The following AGPAT3 variants were observed in gnomAD, a reference collection of about 807,000 sequenced individuals.
AGPAT3 encodes the protein 1-acyl-sn-glycerol-3-phosphate acyltransferase gamma.
A neutral mutation model predicts 47.3 loss-of-function variants in AGPAT3; 5 were observed. That is an observed-to-expected ratio of 0.11 (90% CI 0.06 to 0.22). The LOEUF (loss-of-function observed/expected upper bound fraction) is 0.22. AGPAT3 is among the 10% of genes least tolerant of loss of function. AGPAT3 has a pLI of 1.00. For missense variants in AGPAT3, 315 were observed against 493.0 expected, an observed-to-expected ratio of 0.64 and a Z score of 3.42; for synonymous variants, 212 against 208.3, an observed-to-expected ratio of 1.02 and a Z score of -0.15.
intron 2 of AGPAT3, among the ~76,000 whole-genome samples, chr21:43,949,786 T>C (rs1332189878): frequency 6.6e-6 from 1 of 152,214 alleles, no homozygotes; most frequent in Non-Finnish European, 1.5e-5. Context: ...ATTTTCTCTT[T>C]CTTATTGCAA....
intron 1 of AGPAT3, among the ~76,000 whole-genome samples, chr21:43,870,629 G>A (rs976243912): frequency 5.3e-5 from 8 of 152,142 alleles, no homozygotes; most frequent in Non-Finnish European, 1.2e-4. Flanking sequence ...CACTGAGGAA[G>A]GAGAATGCCT....
In AGPAT3 at chr21:43,954,915, T is replaced by C. The variant is rs373788829; in HGVS notation, c.-48-4719T>C. On this transcript the variant is annotated intron_variant, in intron 2 of 9. Transcript: ENST00000291572. The surrounding 1 kb of genome is among the most constrained non-coding windows in gnomAD (Gnocchi z 4.0). ...CTCCGGGGAGTCTCTGCGTAGACTTTCTAGCCCAGAGGTTCAGGTGATGGA... is the reference window on the plus strand; with the variant it reads ...CTCCGGGGAGTCTCTGCGTAGACTTCCTAGCCCAGAGGTTCAGGTGATGGA... The C allele has an allele frequency of 1.7e-4, 127 of 735,514 alleles. 2 individuals are homozygous for C. In the South Asian group the frequency reaches 3.0e-3, roughly 17 times the overall value. 45.6% of individuals were successfully genotyped at this position (735,514 alleles called of 1,614,324 possible). A position where few individuals can be genotyped will look rare whatever the true frequency, so the allele number is the denominator to read the frequency against.
At chr21:43,894,932 A>C (rs890849421) in intron 1 of AGPAT3, among the ~76,000 whole-genome samples, 1 of 151,910 alleles carries the variant, frequency 6.6e-6, no homozygotes, top group African/African-American at 2.4e-5. Flanking sequence ...CTCTTGATAA[A>C]ACTCTTTTGA....
chr21:43,969,369 A>G (rs1227907736), intron 5 of AGPAT3, 90 bp downstream of exon 5: 29 of 1,539,306 alleles, frequency 1.9e-5, no homozygotes, highest in Non-Finnish European at 2.5e-5. Flanking sequence ...CAGGCTGGGA[A>G]ACCCCATGAG....
intron 2 of AGPAT3, among the ~76,000 whole-genome samples, chr21:43,921,888 G>A (rs140291039): frequency 5.3e-5 from 8 of 152,206 alleles, no homozygotes; most frequent in African/African-American, 9.6e-5. Flanking sequence ...GTCTGGGGAC[G>A]GCGGGCCTGT....
chr21:43,975,417 G>T (rs1569106828), intron 7 of AGPAT3, among the ~76,000 whole-genome samples: 1 of 152,156 alleles, frequency 6.6e-6, no homozygotes, highest in Non-Finnish European at 1.5e-5. Context: ...GGGTGCTGGT[G>T]TATGACGCAT....
rs1308919273 is a variant in AGPAT3 at position 43,949,792 on chromosome 21, T to G, written c.-48-9842T>G. Among the ~76,000 whole-genome samples, 4 of 152,356 alleles carry G rather than the reference T, an allele frequency of 2.6e-5. No individual in the cohort carries two copies. The East Asian group carries it at 7.7e-4, about 29-fold the overall frequency. On this transcript the variant is annotated intron_variant, in intron 2 of 9. Coordinates refer to ENST00000291572, the MANE Select transcript of AGPAT3 (RefSeq NM_020132.5). ...TGTTTAGGTATTTTCTCTTTCTTAT[T>G]GCAATCTGCGCTCTCCTTCAAGACA...
intron 7 of AGPAT3, among the ~76,000 whole-genome samples, chr21:43,974,559 T>A (rs1221313533): frequency 6.9e-6 from 1 of 145,896 alleles, no homozygotes; most frequent in Non-Finnish European, 1.5e-5. Flanking sequence ...GTGTGTGGTG[T>A]GTGTGTAGTG....
At chr21:43,913,411 C>A (rs1047406830) in intron 2 of AGPAT3, among the ~76,000 whole-genome samples, 11 of 151,946 alleles carry the variant, frequency 7.2e-5, no homozygotes, top group African/African-American at 2.4e-4. Context: ...ATGGTGAAAC[C>A]CCGTCTCTAT....
intron 2 of AGPAT3, among the ~76,000 whole-genome samples, chr21:43,926,978 CAAAAAAA>C (rs905520861): frequency 9.2e-5 from 5 of 54,496 alleles, no homozygotes; most frequent in African/African-American, 1.9e-4. Flanking sequence ...GACTCTGTCT[CAAAAAAA>C]AAAAAAAAAA....
rs1173691319 is a variant in AGPAT3 at position 43,968,127 on chromosome 21, C to G, written c.348+12C>G. The G allele has an allele frequency of 6.2e-7, 1 of 1,605,194 alleles. No homozygotes were observed. Among genetic ancestry groups the G allele is most frequent in the Admixed American group, 1.7e-5 (1 of 59,338 alleles). On this transcript the variant is annotated intron_variant, in intron 4 of 9. Transcript: ENST00000291572. ...TCGGAGTGCTGGGGGTGAGCGGGGA[C>G]CTGGGGAGGGCCACGGGTGAGCAGG...
chr21:43,936,723 G>A (rs2087460404), intron 2 of AGPAT3, among the ~76,000 whole-genome samples: 1 of 152,242 alleles, frequency 6.6e-6, no homozygotes, highest in Non-Finnish European at 1.5e-5. Flanking sequence ...CGCAGCTCTT[G>A]GATGGAGGCG....
chr21:43,953,195 CGGGGAAAG>C (rs1569086410), intron 2 of AGPAT3, among the ~76,000 whole-genome samples: 2 of 152,184 alleles, frequency 1.3e-5, no homozygotes, highest in East Asian at 3.8e-4. Flanking sequence ...GGGAGCGTCT[CGGGGAAAG>C]GGGACAGAGA....
rs1416304145 is a variant in AGPAT3 at position 43,930,509 on chromosome 21, C to G, written c.-49+26490C>G. Among the ~76,000 whole-genome samples the G allele has an allele frequency of 6.6e-6, 1 of 152,066 alleles. No homozygotes were observed. The highest frequency in any genetic ancestry group is 1.5e-5 in the Non-Finnish European group (1 of 67,992). On this transcript the variant is annotated intron_variant, in intron 2 of 9. Coordinates refer to ENST00000291572, the MANE Select transcript of AGPAT3 (RefSeq NM_020132.5). The surrounding 1 kb of genome is among the most constrained non-coding windows in gnomAD (Gnocchi z 5.0). ...TGTCTCAGCAACATCATCTTTCTTA[C>G]TGTCCCTGTTCTCTGGGCCTCTCTC...
At chr21:43,905,299 C>T (rs772323947) in intron 2 of AGPAT3, among the ~76,000 whole-genome samples, 30 of 151,928 alleles carry the variant, frequency 2.0e-4, no homozygotes, top group Non-Finnish European at 1.2e-4. Flanking sequence ...AAATGATTCT[C>T]CTGCCTCAGC....
At chr21:43,889,341 G>T (rs1322991818) in intron 1 of AGPAT3, among the ~76,000 whole-genome samples, 1 of 149,028 alleles carries the variant, frequency 6.7e-6, no homozygotes, top group Non-Finnish European at 1.5e-5. Context: ...CCTCCATTTC[G>T]CATTTGCCAG....
rs747070733 is a variant in AGPAT3 at position 43,955,252 on chromosome 21, C to T, written c.-48-4382C>T. 19 of 1,195,642 alleles carry T rather than the reference C, an allele frequency of 1.6e-5. No individual in the cohort carries two copies. The South Asian group carries it at 1.8e-4, about 11-fold the overall frequency. The allele number at this position is 1,195,642 out of a possible 1,614,324, so 74.1% of individuals were successfully genotyped here. ...TGAACCTCTAGAAAAGGTAAATTAA[C>T]CTATAGAGCTGGAAAGCTGACCTGC... On this transcript the variant is annotated intron_variant, in intron 2 of 9. Coordinates refer to ENST00000291572, the MANE Select transcript of AGPAT3 (RefSeq NM_020132.5). This position sits in a 1 kb window ranked among gnomAD's most constrained non-coding sequence, Gnocchi z 4.1.
intron 1 of AGPAT3, among the ~76,000 whole-genome samples, chr21:43,883,428 G>C (rs1281092998): frequency 6.6e-6 from 1 of 152,232 alleles, no homozygotes; most frequent in Admixed American, 6.5e-5. Context: ...AAATAAGATG[G>C]GGAAAATCCC....
At chr21:43,931,618 C>T (rs1050684646) in intron 2 of AGPAT3, among the ~76,000 whole-genome samples, 5 of 151,738 alleles carry the variant, frequency 3.3e-5, no homozygotes, top group Admixed American at 3.3e-4. Context: ...ACATCGGCCC[C>T]GTTAGTGCGA....
Sources: gnomAD v4.1 joint callset for allele counts (sites outside exome capture counted in the v4.1 genomes callset) on GRCh38, gnomAD v4.1.1 for gene constraint, Gnocchi (gnomAD v3.1) non-coding constraint, MANE v1.5 for transcripts, NCBI Gene and HGNC (gene_info 2026-07-23, HGNC 2026-07-21) for gene names.